Variants in CNTNAP2 observed in about 807,000 individuals in gnomAD.
The protein encoded by CNTNAP2 is contactin-associated protein-like 2.
In CNTNAP2, 98 loss-of-function variants were observed where a neutral mutation model predicts 155.2. That is an observed-to-expected ratio of 0.63 (90% confidence interval 0.54 to 0.75). CNTNAP2 has a LOEUF of 0.75. Among genes scored for constraint, CNTNAP2 ranks in the 30% least tolerant of loss-of-function variants. The probability of loss-of-function intolerance (pLI) is 0.00; values close to 1 mark genes in which losing one functional copy is unlikely to be tolerated. For missense variants in CNTNAP2, 1,727 were observed against 1,688.1 expected, an observed-to-expected ratio of 1.02 and a Z score of -0.40; for synonymous variants, 651 against 631.2, an observed-to-expected ratio of 1.03 and a Z score of -0.47.
intron 1 of CNTNAP2, among the ~76,000 whole-genome samples, chr7:146,238,082 A>G (rs1056169074): frequency 2.0e-5 from 3 of 152,210 alleles, no homozygotes; most frequent in African/African-American, 7.2e-5. Flanking sequence ...ACTCTACACT[A>G]TCATTCCCCC....
At chr7:147,101,298 G>A (rs1281101048) in intron 4 of CNTNAP2, among the ~76,000 whole-genome samples, 1 of 152,166 alleles carries the variant, frequency 6.6e-6, no homozygotes. Flanking sequence ...TTTTAAGACG[G>A]GAGAGTTCCC....
chr7:147,301,808 A>G (rs1369404418), intron 9 of CNTNAP2, among the ~76,000 whole-genome samples: 1 of 152,166 alleles, frequency 6.6e-6, no homozygotes, highest in Admixed American at 6.5e-5. Flanking sequence ...ACGTCACTTT[A>G]TTATGAATTG....
At chr7:146,775,588 G>C (rs914698263) in intron 2 of CNTNAP2, among the ~76,000 whole-genome samples, 5 of 150,528 alleles carry the variant, frequency 3.3e-5, no homozygotes, top group Non-Finnish European at 7.4e-5. Flanking sequence ...GGGAGGGAGG[G>C]AGAGAGGAAG....
chr7:147,531,583 G>C (rs944132047), intron 11 of CNTNAP2, among the ~76,000 whole-genome samples: 1 of 152,158 alleles, frequency 6.6e-6, no homozygotes, highest in African/African-American at 2.4e-5. Flanking sequence ...AGGACACCAA[G>C]TCCCTAGGCT....
At chr7:146,528,058 T>C (rs1350405298) in intron 1 of CNTNAP2, among the ~76,000 whole-genome samples, 1 of 152,158 alleles carries the variant, frequency 6.6e-6, no homozygotes, top group Non-Finnish European at 1.5e-5. Flanking sequence ...TTGATATAAT[T>C]ACCAGAGTCT....
chr7:148,279,220 G>A (rs1046328862), intron 21 of CNTNAP2, among the ~76,000 whole-genome samples: 1 of 152,156 alleles, frequency 6.6e-6, no homozygotes, highest in African/African-American at 2.4e-5. Flanking sequence ...CTGCAGAAGG[G>A]GTGGGCTGAT....
chr7:147,611,569 G>T (rs956328908), intron 12 of CNTNAP2, among the ~76,000 whole-genome samples: 2 of 152,180 alleles, frequency 1.3e-5, no homozygotes, highest in African/African-American at 4.8e-5. Flanking sequence ...TGTTCTTCAT[G>T]TGGGTGAGAA....
At chr7:147,411,150 A>G (rs922076916) in intron 10 of CNTNAP2, among the ~76,000 whole-genome samples, 1 of 152,236 alleles carries the variant, frequency 6.6e-6, no homozygotes, top group East Asian at 1.9e-4. Context: ...TTGCAATACC[A>G]TCTCCAGAGA....
intron 13 of CNTNAP2, among the ~76,000 whole-genome samples, chr7:147,713,248 A>T (rs560515060): frequency 6.6e-6 from 1 of 152,138 alleles, no homozygotes; most frequent in African/African-American, 2.4e-5. Context: ...AAATGCATGC[A>T]GTTGTATAAT....
chr7:148,348,834 C>T (rs570629637), intron 21 of CNTNAP2, among the ~76,000 whole-genome samples: 148 of 152,294 alleles, frequency 9.7e-4, no homozygotes, highest in African/African-American at 2.6e-3. Context: ...TAATCGGATG[C>T]GAGACTTTTC....
At chr7:146,756,450 A>G (rs1017328735) in intron 1 of CNTNAP2, among the ~76,000 whole-genome samples, 2 of 152,020 alleles carry the variant, frequency 1.3e-5, no homozygotes, top group African/African-American at 2.4e-5. Flanking sequence ...CGGCATTGAC[A>G]TCTCTAGTAT....
intron 4 of CNTNAP2, among the ~76,000 whole-genome samples, chr7:147,087,254 A>T (rs908997451): frequency 6.6e-6 from 1 of 152,154 alleles, no homozygotes; most frequent in Admixed American, 6.5e-5. Context: ...ATTGTGGATT[A>T]TGTTATCAGA....
intron 20 of CNTNAP2, among the ~76,000 whole-genome samples, chr7:148,244,521 T>G (rs937251282): frequency 3.3e-5 from 5 of 151,654 alleles, no homozygotes; most frequent in Admixed American, 2.6e-4. Flanking sequence ...TTTGTTAGGG[T>G]TTTTGATGTT....
chr7:147,887,339 C>T (rs1799619119), intron 13 of CNTNAP2, among the ~76,000 whole-genome samples: 1 of 152,092 alleles, frequency 6.6e-6, no homozygotes, highest in Non-Finnish European at 1.5e-5. Flanking sequence ...GATGTGGTGG[C>T]AGGCACCTGT....
chr7:147,509,088 A>G (rs1445264151), intron 11 of CNTNAP2, among the ~76,000 whole-genome samples: 2 of 152,190 alleles, frequency 1.3e-5, no homozygotes, highest in Non-Finnish European at 2.9e-5. Flanking sequence ...TGAGCATGCT[A>G]TAATGCTTTG....
intron 1 of CNTNAP2, among the ~76,000 whole-genome samples, chr7:146,709,916 G>A (rs1313160185): frequency 6.6e-6 from 1 of 152,196 alleles, no homozygotes; most frequent in Non-Finnish European, 1.5e-5. Context: ...CTGGCTCTGA[G>A]TATGGGGATT....
intron 4 of CNTNAP2, among the ~76,000 whole-genome samples, chr7:147,068,621 T>G (rs575995347): frequency 6.6e-6 from 1 of 152,266 alleles, no homozygotes; most frequent in African/African-American, 2.4e-5. Context: ...CCTCCCAAAG[T>G]GCTGGAACTA....
chr7:147,785,610 G>C (rs566997819), intron 13 of CNTNAP2, among the ~76,000 whole-genome samples: 1 of 152,178 alleles, frequency 6.6e-6, no homozygotes, highest in African/African-American at 2.4e-5. Flanking sequence ...TTTGGAGCTG[G>C]AAAAAAGTGT....
chr7:146,956,317 G>A lies in CNTNAP2; in HGVS notation c.403-87590G>A, dbSNP rs1480433030. Among the ~76,000 whole-genome samples, 3 of 151,938 alleles carry A rather than the reference G, an allele frequency of 2.0e-5. No individual in the cohort carries two copies. In the East Asian group the frequency reaches 5.8e-4, roughly 29 times the overall value. On this transcript the variant is annotated intron_variant, in intron 3 of 23. Coordinates refer to ENST00000361727, the MANE Select transcript of CNTNAP2 (RefSeq NM_014141.6). ...AAATGGTTGCGTAAGTATCTACAAG[G>A]CCCTTTTTCAAAAAAGCCATCAAGT...
Sources: gnomAD v4.1 joint callset for allele counts (sites outside exome capture counted in the v4.1 genomes callset) on GRCh38, gnomAD v4.1.1 for gene constraint, MANE v1.5 for transcripts, NCBI Gene and HGNC (gene_info 2026-07-23, HGNC 2026-07-21) for gene names.